CSTF3: variants seen among roughly 807,000 people sequenced by gnomAD.
CSTF3 encodes cleavage stimulation factor subunit 3, also known as CF-1 77 kDa subunit.
A neutral mutation model predicts 105.8 loss-of-function variants in CSTF3; 29 were observed. That is an observed-to-expected ratio of 0.27 (90% CI 0.20 to 0.37). The LOEUF is 0.37. CSTF3 is among the 10% of genes least tolerant of loss of function. The pLI, the probability that CSTF3 is intolerant of heterozygous loss-of-function variation, is 1.00. For missense variants in CSTF3, 357 were observed against 879.3 expected, an observed-to-expected ratio of 0.41 and a Z score of 7.51; for synonymous variants, 252 against 281.9, an observed-to-expected ratio of 0.89 and a Z score of 1.06.
chr11:33,114,262 A>C (rs1855409097), intron 3 of CSTF3, among the ~76,000 whole-genome samples: 2 of 152,238 alleles, frequency 1.3e-5, no homozygotes, highest in Admixed American at 1.3e-4. Context: ...TAAAGAAAGC[A>C]TGATATTCAC....
chr11:33,144,284 A>C (rs941983104), intron 1 of CSTF3, among the ~76,000 whole-genome samples: 1 of 152,202 alleles, frequency 6.6e-6, no homozygotes, highest in Non-Finnish European at 1.5e-5. Flanking sequence ...ACTGGTAAGC[A>C]TTTACTTATT....
chr11:33,090,622 T>G lies in CSTF3; in HGVS notation c.1551A>C (p.Glu517Asp), dbSNP rs1855159998. 1 of 1,612,852 alleles carries G rather than the reference T, an allele frequency of 6.2e-7. No individual in the cohort carries two copies. The highest frequency in any genetic ancestry group is 1.3e-5 in the African/African-American group (1 of 75,012). ...RRFTAFKEEY[E>D]GKETALLVDR... ...CTACTAGTAAAGCCGTTTCTTTCCC[T>G]TCATACTCTTCTTTGAATGCTGTAA... Residue 517 changes from glutamate to aspartate, a missense_variant, in exon 17 of 21, where the codon GAA (glutamate) becomes GAC (aspartate). Physicochemically the swap from Glu to Asp is conservative, Grantham distance 45. Coordinates refer to ENST00000323959, the MANE Select transcript of CSTF3 (RefSeq NM_001326.3).
intron 3 of CSTF3, among the ~76,000 whole-genome samples, chr11:33,114,668 T>C (rs1319507162): frequency 6.6e-6 from 1 of 151,984 alleles, no homozygotes; most frequent in Non-Finnish European, 1.5e-5. Flanking sequence ...CTGGACAACA[T>C]GGTGAAACCC....
intron 3 of CSTF3, among the ~76,000 whole-genome samples, chr11:33,136,804 G>T (rs1855658407): frequency 6.6e-6 from 1 of 151,872 alleles, no homozygotes; most frequent in Admixed American, 6.6e-5. Context: ...TTGGGACAGG[G>T]ATAGAGTTTT....
intron 3 of CSTF3, among the ~76,000 whole-genome samples, chr11:33,139,853 G>C (rs944915269): frequency 6.6e-6 from 1 of 151,876 alleles, no homozygotes; most frequent in African/African-American, 2.4e-5. Context: ...CTGTTATGTA[G>C]ACAACTTTCA....
chr11:33,102,199 A>G lies in CSTF3; in HGVS notation c.804T>C (p.Asp268=). 5 of 1,613,930 alleles carry G rather than the reference A, an allele frequency of 3.1e-6. No individual in the cohort carries two copies. Among genetic ancestry groups the G allele is most frequent in the Non-Finnish European group, 4.2e-6 (5 of 1,179,878 alleles). ...WEKSNPLRTE[D]QTLITKRVMF... is the part of the protein sequence containing the mutation. ...TACCTCTTTTTGTTATAAGGGTCTG[A>G]TCCTCTGTACGAAGAGGGTTGCTCT... The change falls in exon 10 of 21, where the codon GAT becomes GAC. Residue 268 remains aspartate, a synonymous_variant. Transcript: ENST00000323959.
chr11:33,141,760 A>G lies in CSTF3; in HGVS notation c.132T>C (p.Asn44=), dbSNP rs749162356. 6.3e-7 allele frequency: 1 copy of G among 1,585,376 alleles called. No homozygotes were observed. Among genetic ancestry groups the G allele is most frequent in the South Asian group, 1.2e-5 (1 of 85,608 alleles). Residue 44 remains asparagine (N), a splice_region_variant and synonymous_variant, in exon 3 of 21, where the codon AAT becomes AAC. Coordinates refer to ENST00000323959, the MANE Select transcript of CSTF3 (RefSeq NM_001326.3). Reference sequence around the variant, plus strand: ...TCTTCCGTGCTTTGTCTATAGGTTGATTCTAAAATTGAAAACCAATAAACA... The same window carrying G: ...TCTTCCGTGCTTTGTCTATAGGTTGGTTCTAAAATTGAAAACCAATAAACA... ...AWSILIREAQ[N]QPIDKARKTY... is the part of the protein sequence containing the mutation.
At chr11:33,112,263 A>T (rs1177945011) in intron 3 of CSTF3, among the ~76,000 whole-genome samples, 2 of 152,144 alleles carry the variant, frequency 1.3e-5, no homozygotes, top group Non-Finnish European at 2.9e-5. Context: ...TGGAAAAAAA[A>T]AAAAAATCAT....
rs375576748 is a variant in CSTF3 at position 33,154,793 on chromosome 11, C to T, written c.27+6506G>A. 4.5e-4 allele frequency among the ~76,000 whole-genome samples: 69 copies of T among 152,188 alleles called. 1 individual carries two copies. The South Asian group carries it at 0.011, about 25-fold the overall frequency. ...TACAGACAGGCGTGAGCCACGGTGCCGTGCTGAGACTTTCATAGAGGAGTA... is the reference window on the plus strand; with the variant it reads ...TACAGACAGGCGTGAGCCACGGTGCTGTGCTGAGACTTTCATAGAGGAGTA... On this transcript the variant is annotated intron_variant, in intron 1 of 20. Coordinates refer to ENST00000323959, the MANE Select transcript of CSTF3 (RefSeq NM_001326.3).
At chr11:33,122,738 G>C (rs182823444) in intron 3 of CSTF3, among the ~76,000 whole-genome samples, 3 of 151,712 alleles carry the variant, frequency 2.0e-5, no homozygotes, top group South Asian at 4.2e-4. Context: ...AACAGAGCAA[G>C]ACCCTGTCTC....
intron 3 of CSTF3, among the ~76,000 whole-genome samples, chr11:33,139,189 CA>C (rs1484744805): frequency 1.3e-5 from 2 of 151,346 alleles, no homozygotes; most frequent in East Asian, 3.9e-4. Flanking sequence ...ATAGGATTTG[CA>C]AGGAGTTTCT....
At chr11:33,145,191 G>A (rs971338493) in intron 1 of CSTF3, among the ~76,000 whole-genome samples, 1 of 152,102 alleles carries the variant, frequency 6.6e-6, no homozygotes, top group Non-Finnish European at 1.5e-5. Flanking sequence ...CAGCACTTTG[G>A]GGTTGGTGGG....
At chr11:33,143,587 T>C (rs1216203470) in intron 1 of CSTF3, among the ~76,000 whole-genome samples, 1 of 152,040 alleles carries the variant, frequency 6.6e-6, no homozygotes, top group Admixed American at 6.6e-5. Context: ...CAGTCTCTAC[T>C]AAAAACAGAA....
chr11:33,112,307 C>T (rs766408480), intron 3 of CSTF3, among the ~76,000 whole-genome samples: 2 of 151,578 alleles, frequency 1.3e-5, no homozygotes, highest in Non-Finnish European at 1.5e-5. Flanking sequence ...TGCAGTGTGA[C>T]AAAATGAAAA....
chr11:33,150,464 G>C (rs558488447), intron 1 of CSTF3, among the ~76,000 whole-genome samples: 7 of 152,144 alleles, frequency 4.6e-5, no homozygotes, highest in Non-Finnish European at 8.8e-5. Flanking sequence ...CAAAGGAGTA[G>C]AGCAAAAACT....
rs962564034 is a variant in CSTF3 at position 33,153,115 on chromosome 11, TAAAA to T, written c.27+8180_27+8183del. Among the ~76,000 whole-genome samples the T allele has an allele frequency of 2.0e-5, 3 of 148,190 alleles. No homozygotes were observed. The South Asian group carries it at 6.4e-4, about 32-fold the overall frequency. On this transcript the variant is annotated intron_variant, in intron 1 of 20. Coordinates refer to ENST00000323959, the MANE Select transcript of CSTF3 (RefSeq NM_001326.3). The stretch of plus-strand genomic sequence containing the variant: ...TTTTACTGAAGGAAATTTTCCAAAA[TAAAA>T]AAAAAAGTCAAAAGAATGGCACCAT...
chr11:33,157,453 T>G (rs1214518180), intron 1 of CSTF3, among the ~76,000 whole-genome samples: 1 of 152,152 alleles, frequency 6.6e-6, no homozygotes, highest in African/African-American at 2.4e-5. Flanking sequence ...GGGGTAAACC[T>G]ATATGCAAAT....
chr11:33,087,813 AG>A (rs1230353498), intron 17 of CSTF3, among the ~76,000 whole-genome samples: 1 of 152,236 alleles, frequency 6.6e-6, no homozygotes, highest in Non-Finnish European at 1.5e-5. Flanking sequence ...GAGGATTGGG[AG>A]GGCAGGCCTC....
At chr11:33,144,932 C>T (rs906708220) in intron 1 of CSTF3, 2 of 205,166 alleles carry the variant, frequency 9.7e-6, no homozygotes, top group Non-Finnish European at 2.0e-5. Context: ...ACTGAGATTG[C>T]CGCCACTGCA....
Sources: allele counts gnomAD v4.1 joint callset (sites outside exome capture counted in the v4.1 genomes callset), GRCh38; gene constraint gnomAD v4.1.1; transcripts MANE v1.5; gene names NCBI Gene and HGNC (gene_info 2026-07-23, HGNC 2026-07-21).